Variants in GGT7 observed in about 807,000 individuals in gnomAD.
GGT7 encodes the protein glutathione hydrolase 7.
A neutral mutation model predicts 69.2 loss-of-function variants in GGT7; 30 were observed. That is an observed-to-expected ratio of 0.43 (90% CI 0.32 to 0.59). GGT7 has a LOEUF of 0.59. Ranked by LOEUF, GGT7 falls within the 20% of genes least tolerant of loss-of-function variation. The pLI, the probability that GGT7 is intolerant of heterozygous loss-of-function variation, is 0.05. For synonymous variants in GGT7, 388 were observed against 391.8 expected, an observed-to-expected ratio of 0.99 and a Z score of 0.12; for missense variants, 733 against 901.1, an observed-to-expected ratio of 0.81 and a Z score of 2.39.
chr20:34,863,939 C>T lies in GGT7; in HGVS notation c.170-391G>A, dbSNP rs1194605923. On this transcript the variant is annotated intron_variant, in intron 1 of 14. Transcript: ENST00000336431. The surrounding 1 kb of genome is among the most constrained non-coding windows in gnomAD (Gnocchi z 4.4). ...CCATGCAAGGAGGCAGCTACATAAA[C>T]AGAGTGGAGGGACCCTGCCTTCCAA... Among the ~76,000 whole-genome samples the T allele has an allele frequency of 1.3e-5, 2 of 152,200 alleles. No homozygotes were observed. Among genetic ancestry groups the T allele is most frequent in the Admixed American group, 6.5e-5 (1 of 15,288 alleles).
chr20:34,865,654 T>G (rs1441889988), intron 1 of GGT7, among the ~76,000 whole-genome samples: 1 of 152,204 alleles, frequency 6.6e-6, no homozygotes, highest in Non-Finnish European at 1.5e-5. Flanking sequence ...ATGGAACTAA[T>G]CCCTAACTGG....
intron 8 of GGT7, 59 bp downstream of exon 8, chr20:34,856,747 G>T: frequency 1.1e-6 from 1 of 930,910 alleles, no homozygotes; most frequent in Admixed American, 1.9e-5. Context: ...AAAACGATGT[G>T]GCCATGGACT....
At chr20:34,869,879 C>T (rs188214166) in intron 1 of GGT7, among the ~76,000 whole-genome samples, 77 of 152,212 alleles carry the variant, frequency 5.1e-4, no homozygotes, top group Non-Finnish European at 8.7e-4. Flanking sequence ...AGACACAGGC[C>T]TGGGAGAGAA....
At chr20:34,870,448 G>C (rs1355077577) in intron 1 of GGT7, among the ~76,000 whole-genome samples, 2 of 152,082 alleles carry the variant, frequency 1.3e-5, no homozygotes, top group African/African-American at 2.4e-5. Context: ...CAATTATTGA[G>C]TGCCCAATAA....
chr20:34,861,327 C>T (rs768011043), intron 4 of GGT7, 118 bp downstream of exon 4: 2 of 498,098 alleles, frequency 4.0e-6, no homozygotes, highest in Non-Finnish European at 7.2e-6. Context: ...CTAAGAGAAT[C>T]CTGCTCAACT....
intron 1 of GGT7, among the ~76,000 whole-genome samples, chr20:34,866,306 G>C (rs541244046): frequency 3.9e-5 from 6 of 152,208 alleles, no homozygotes; most frequent in African/African-American, 1.4e-4. Flanking sequence ...CATAAACCGG[G>C]AGTGCTCGTG....
At position 34,852,490 on chromosome 20, in the gene GGT7, T is replaced by C; in HGVS notation, c.1368A>G (p.Ala456=). The C allele has an allele frequency of 6.2e-7, 1 of 1,603,320 alleles. No individual in the cohort carries two copies. The highest frequency in any genetic ancestry group is 1.3e-5 in the African/African-American group (1 of 74,462). The change falls in exon 11 of 15, where the codon GCA becomes GCG. Residue 456 remains alanine (A), a synonymous_variant. Transcript: ENST00000336431. The stretch of plus-strand genomic sequence containing the variant: ...AGACAGGCAGGAGTGGGGCAGGGGC[T>C]GCCTGGGAGTCATTGATATGGCCCC... ...YLRGHINDSQ[A]APAPLLPVYE... is the part of the protein sequence containing the mutation.
At chr20:34,851,575 A>G (rs1157364890) in intron 12 of GGT7, among the ~76,000 whole-genome samples, 3 of 152,142 alleles carry the variant, frequency 2.0e-5, no homozygotes, top group Non-Finnish European at 2.9e-5. Context: ...TGGGGGAGTG[A>G]TAAGTACATC....
At chr20:34,854,064 C>G (rs544335364) in intron 10 of GGT7, among the ~76,000 whole-genome samples, 28 of 152,126 alleles carry the variant, frequency 1.8e-4, no homozygotes, top group Non-Finnish European at 1.2e-4. Context: ...AGCCTCCTGA[C>G]TAGCTGGGAC....
chr20:34,871,748 T>C (rs1341747744), intron 1 of GGT7, among the ~76,000 whole-genome samples: 1 of 151,878 alleles, frequency 6.6e-6, no homozygotes. Flanking sequence ...GAGAGTGAGG[T>C]AGAAGGATGC....
intron 3 of GGT7, among the ~76,000 whole-genome samples, chr20:34,862,583 TAAAA>T (rs113536080): frequency 7.9e-6 from 1 of 126,864 alleles, no homozygotes; most frequent in African/African-American, 2.8e-5. Context: ...TTTTTCTAGT[TAAAA>T]AAAAAAAAAA....
rs773536419 is a variant in GGT7, at chr20:34,852,450, C to T, written c.1408G>A (p.Ala470Thr). 2 of 1,613,878 alleles carry T rather than the reference C, an allele frequency of 1.2e-6. No homozygotes were observed. The highest frequency in any genetic ancestry group is 1.7e-6 in the Non-Finnish European group (2 of 1,179,900). The change falls in exon 11 of 15, where the codon GCT (alanine) becomes ACT (threonine). Residue 470 changes from alanine to threonine, a missense_variant. Physicochemically the swap from Ala to Thr is moderately conservative, Grantham distance 58. Coordinates refer to ENST00000336431, the MANE Select transcript of GGT7 (RefSeq NM_178026.3). ...PLLPVYELDG[A>T]PTAAQVLIMG... ...ATCAGCACCTGGGCAGCCGTGGGAG[C>T]TCCGTCTAGTTCATAGACAGGCAGG...
intron 3 of GGT7, among the ~76,000 whole-genome samples, chr20:34,862,006 A>G (rs1464842306): frequency 6.6e-6 from 1 of 152,112 alleles, no homozygotes; most frequent in Non-Finnish European, 1.5e-5. Context: ...CGGCTTGGAG[A>G]GCTGGTCTTA....
chr20:34,853,340 G>GGTGTGTGTGTGTGTGTGTGTGT (rs10527077), intron 10 of GGT7, among the ~76,000 whole-genome samples: 2 of 147,326 alleles, frequency 1.4e-5, no homozygotes, highest in African/African-American at 5.0e-5. Flanking sequence ...ATTTCATATA[G>GGTGTGTGTGTGTGTGTGTGTGT]GTGTGTGTGT....
Position 34,845,141 on chromosome 20 carries a change from A to ACCACCC in GGT7, c.*186_*187insGGGTGG. ...CACCACCACCACCACCACCACCACC[A>ACCACCC]CCACCACCACCACAGGCCTCCTGAT... On this transcript the variant is annotated 3_prime_UTR_variant, in exon 15 of 15. Transcript: ENST00000336431. 3 of 314,222 alleles carry ACCACCC rather than the reference A, an allele frequency of 9.5e-6. No individual in the cohort carries two copies. The highest frequency in any genetic ancestry group is 5.2e-5 in the South Asian group (2 of 38,510). The allele number at this position is 314,222 out of a possible 1,614,324, so 19.5% of individuals were successfully genotyped here.
At position 34,863,920 on chromosome 20, in the gene GGT7, A is replaced by G. The variant is rs1250928179; in HGVS notation, c.170-372T>C. On this transcript the variant is annotated intron_variant, in intron 1 of 14. Transcript: ENST00000336431. The surrounding 1 kb of genome is among the most constrained non-coding windows in gnomAD (Gnocchi z 4.4). The stretch of plus-strand genomic sequence containing the variant: ...CCAGTTGGGGCCCAGCCTTCCATGC[A>G]AGGAGGCAGCTACATAAACAGAGTG... Among the ~76,000 whole-genome samples, 6 of 152,154 alleles carry G rather than the reference A, an allele frequency of 3.9e-5. No homozygotes were observed. The East Asian group carries it at 1.2e-3, about 29-fold the overall frequency.
intron 10 of GGT7, among the ~76,000 whole-genome samples, chr20:34,852,887 T>G (rs929952295): frequency 2.6e-5 from 4 of 152,218 alleles, no homozygotes; most frequent in African/African-American, 9.6e-5. Flanking sequence ...TCATTTAAAC[T>G]AATGTTTGTA....
chr20:34,846,105 G>A (rs971761559), intron 14 of GGT7, among the ~76,000 whole-genome samples: 2 of 151,382 alleles, frequency 1.3e-5, no homozygotes, highest in African/African-American at 4.8e-5. Context: ...AGGAAGGGAG[G>A]GAGGGAGGGA....
rs774930869 is a variant in GGT7, at chr20:34,845,432, C to T, written c.1885G>A (p.Val629Ile). 1 of 1,614,150 alleles carries T rather than the reference C, an allele frequency of 6.2e-7. No homozygotes were observed. The highest frequency in any genetic ancestry group is 1.1e-5 in the South Asian group (1 of 91,082). ...LEARGHHVEK[V>I]DVLSWVHGSR... ...CCATGGACCCAGGATAAGACATCTA[C>T]TTTCTCCACGTGGTGACCCCTGGCT... is the stretch of plus-strand genomic sequence containing the variant. The change falls in exon 15 of 15, where the codon GTA becomes ATA. Residue 629 changes from valine (V) to isoleucine (I), a missense_variant. Coordinates refer to ENST00000336431, the MANE Select transcript of GGT7 (RefSeq NM_178026.3).
Sources: allele counts gnomAD v4.1 joint callset (sites outside exome capture counted in the v4.1 genomes callset), GRCh38; gene constraint gnomAD v4.1.1; non-coding constraint Gnocchi (gnomAD v3.1); transcripts MANE v1.5; gene names NCBI Gene and HGNC (gene_info 2026-07-23, HGNC 2026-07-21).